CHN1: variants seen among roughly 807,000 people sequenced by gnomAD.
CHN1 encodes N-chimaerin.
CHN1 carries 37 observed loss-of-function variants against 59.5 expected under a neutral mutation model. The observed-to-expected ratio is 0.62, with a 90% CI of 0.48 to 0.82. The LOEUF (loss-of-function observed/expected upper bound fraction) is 0.82. Ranked by LOEUF, CHN1 falls within the 40% of genes least tolerant of loss-of-function variation. The probability of loss-of-function intolerance (pLI) is 0.00; values close to 1 mark genes in which losing one functional copy is unlikely to be tolerated. For missense variants in CHN1, 469 were observed against 571.0 expected (o/e 0.82, Z 1.82); for synonymous variants, 206 against 200.4 (o/e 1.03, Z -0.24).
chr2:174,846,523 C>A, intron 7 of CHN1: 2 of 1,357,900 alleles, frequency 1.5e-6, no homozygotes, highest in South Asian at 3.3e-5. Flanking sequence ...AAACACAGAT[C>A]TAATCCTCTC....
chr2:174,910,044 G>C (rs1350933991), intron 5 of CHN1, among the ~76,000 whole-genome samples: 1 of 152,074 alleles, frequency 6.6e-6, no homozygotes, highest in Non-Finnish European at 1.5e-5. Flanking sequence ...AGTGAGAATG[G>C]GTAACTGCAA....
chr2:174,801,339 C>A (rs1684713953), intron 12 of CHN1, among the ~76,000 whole-genome samples: 2 of 151,012 alleles, frequency 1.3e-5, no homozygotes, highest in African/African-American at 4.9e-5. Context: ...AGTGAGCTGC[C>A]TTGCAAGTTG....
chr2:175,003,757 G>A (rs1275272944), intron 1 of CHN1, among the ~76,000 whole-genome samples: 1 of 152,202 alleles, frequency 6.6e-6, no homozygotes, highest in African/African-American at 2.4e-5. Flanking sequence ...GTCCCAGACT[G>A]AAGCCTGGTG....
chr2:174,891,396 C>G (rs913091831), intron 5 of CHN1, among the ~76,000 whole-genome samples: 10 of 150,714 alleles, frequency 6.6e-5, no homozygotes, highest in African/African-American at 1.7e-4. Context: ...ATGGTGAAAC[C>G]CTGTCTCTAC....
At position 174,876,174 on chromosome 2, in the gene CHN1, AC is replaced by A. The variant is rs1344899767; in HGVS notation, c.549+1665del. 2.6e-5 allele frequency among the ~76,000 whole-genome samples: 4 copies of A among 152,288 alleles called. 1 individual carries two copies. The highest frequency in any genetic ancestry group is 9.6e-5 in the African/African-American group (4 of 41,560). On this transcript the variant is annotated intron_variant, in intron 6 of 12. Transcript: ENST00000409900. Reference sequence around the variant, plus strand: ...CTCTGTGAATATCAGTTCCACTTTGACTGGGGGACAACCAAGGCCTGGTGAA... The same window carrying A: ...CTCTGTGAATATCAGTTCCACTTTGATGGGGGACAACCAAGGCCTGGTGAA...
intron 1 of CHN1, among the ~76,000 whole-genome samples, chr2:174,982,455 G>A (rs894394413): frequency 8.5e-5 from 13 of 152,094 alleles, no homozygotes; most frequent in Admixed American, 2.0e-4. Flanking sequence ...CCTCTCCAGC[G>A]CCTGTTGTTT....
intron 7 of CHN1, among the ~76,000 whole-genome samples, chr2:174,828,080 A>T (rs138964275): frequency 8.1e-4 from 123 of 152,266 alleles, no homozygotes; most frequent in Non-Finnish European, 1.5e-3. Flanking sequence ...GTAAGAGGAG[A>T]GAGGCTGGCT....
intron 2 of CHN1, 57 bp downstream of exon 2, chr2:174,952,107 C>A: frequency 2.9e-6 from 3 of 1,049,762 alleles, no homozygotes; most frequent in Non-Finnish European, 2.6e-6. Context: ...CTAATAATCC[C>A]ATATTTTTAT....
chr2:174,842,341 T>C (rs1335675888), intron 7 of CHN1, among the ~76,000 whole-genome samples: 1 of 152,222 alleles, frequency 6.6e-6, no homozygotes, highest in Admixed American at 6.5e-5. Context: ...GTTTTAAATA[T>C]TCTTTCATAT....
At chr2:174,883,497 A>T (rs908326865) in intron 5 of CHN1, among the ~76,000 whole-genome samples, 1 of 152,164 alleles carries the variant, frequency 6.6e-6, no homozygotes, top group Non-Finnish European at 1.5e-5. Flanking sequence ...ACAAAAAAAG[A>T]CTTAAGAGTA....
chr2:174,967,289 G>A (rs1019513059), intron 1 of CHN1, among the ~76,000 whole-genome samples: 1 of 152,130 alleles, frequency 6.6e-6, no homozygotes, highest in Non-Finnish European at 1.5e-5. Context: ...CAGGAAGGTC[G>A]AGACTGCAGG....
intron 7 of CHN1, among the ~76,000 whole-genome samples, chr2:174,834,704 A>G (rs1686011013): frequency 6.6e-6 from 1 of 152,178 alleles, no homozygotes. Flanking sequence ...AGTACCAGTG[A>G]AAAAGGAAAA....
intron 1 of CHN1, among the ~76,000 whole-genome samples, chr2:174,990,442 C>G (rs1641596699): frequency 1.3e-5 from 2 of 152,054 alleles, no homozygotes; most frequent in African/African-American, 4.8e-5. Context: ...TCTTCCCCTA[C>G]CCACTCCAAT....
intron 5 of CHN1, among the ~76,000 whole-genome samples, chr2:174,879,073 G>C (rs1326347038): frequency 6.6e-6 from 1 of 152,188 alleles, no homozygotes; most frequent in Non-Finnish European, 1.5e-5. Flanking sequence ...GTAACCCCGA[G>C]TGAGACTAAT....
intron 8 of CHN1, among the ~76,000 whole-genome samples, chr2:174,821,195 G>A (rs1043582349): frequency 6.6e-6 from 1 of 152,170 alleles, no homozygotes; most frequent in Non-Finnish European, 1.5e-5. Flanking sequence ...CTAAAATCAG[G>A]TGTTAGCGGG....
In CHN1 at chr2:174,960,999, G is replaced by A. The variant is rs896666496; in HGVS notation, c.20-8797C>T. On this transcript the variant is annotated intron_variant, in intron 1 of 12. Transcript: ENST00000409900. ...AAAGAAAAAAAAAATCAGGTGGCGCGTGACTGTAGTCCCAGCTACACAGGA... is the reference window on the plus strand; with the variant it reads ...AAAGAAAAAAAAAATCAGGTGGCGCATGACTGTAGTCCCAGCTACACAGGA... 2.6e-5 allele frequency among the ~76,000 whole-genome samples: 4 copies of A among 151,772 alleles called. No homozygotes were observed. The South Asian group carries it at 8.3e-4, about 32-fold the overall frequency.
chr2:174,956,771 CAAAA>C (rs34248216), intron 1 of CHN1, among the ~76,000 whole-genome samples: 3 of 104,614 alleles, frequency 2.9e-5, no homozygotes, highest in Admixed American at 9.0e-5. Flanking sequence ...GACTCCATCT[CAAAA>C]AAAAAAAAAA....
At chr2:174,847,607 G>A (rs1488086731) in intron 6 of CHN1, 2 of 1,315,794 alleles carry the variant, frequency 1.5e-6, no homozygotes, top group East Asian at 8.3e-5. Context: ...GGGAAGGTGG[G>A]GGGAAGGGAG....
intron 1 of CHN1, among the ~76,000 whole-genome samples, chr2:175,003,480 T>C (rs912417180): frequency 6.6e-5 from 10 of 152,204 alleles, no homozygotes; most frequent in Admixed American, 6.5e-4. Flanking sequence ...ATGCGAGTAT[T>C]TGAAAAGTTG....
Sources: gnomAD v4.1 joint callset for allele counts (sites outside exome capture counted in the v4.1 genomes callset) on GRCh38, gnomAD v4.1.1 for gene constraint, MANE v1.5 for transcripts, NCBI Gene and HGNC (gene_info 2026-07-23, HGNC 2026-07-21) for gene names.